RAI14: variants seen among roughly 807,000 people sequenced by gnomAD.
The protein encoded by RAI14 is ankycorbin.
In RAI14, 45 loss-of-function variants were observed where a neutral mutation model predicts 115.4. The observed-to-expected ratio is 0.39, with a 90% CI of 0.31 to 0.50. RAI14 has a LOEUF of 0.50. RAI14 is among the 20% of genes least tolerant of loss of function. RAI14 has a pLI of 0.85. For missense variants in RAI14, 939 were observed against 1,131.2 expected, an observed-to-expected ratio of 0.83 and a Z score of 2.44; for synonymous variants, 371 against 415.4, an observed-to-expected ratio of 0.89 and a Z score of 1.30.
chr5:34,720,936 C>T (rs73072585), intron 2 of RAI14, among the ~76,000 whole-genome samples: 2,748 of 152,100 alleles, frequency 0.018, 77 homozygotes, highest in African/African-American at 0.061. Flanking sequence ...AGTAATCCTC[C>T]GCGCTCAGCC....
At chr5:34,799,847 C>T (rs2150222704) in intron 4 of RAI14, among the ~76,000 whole-genome samples, 1 of 152,210 alleles carries the variant, frequency 6.6e-6, no homozygotes, top group South Asian at 2.1e-4. Flanking sequence ...GCCACCACGC[C>T]TGGCTAATTT....
At chr5:34,765,472 T>C (rs1200516600) in intron 3 of RAI14, among the ~76,000 whole-genome samples, 1 of 152,172 alleles carries the variant, frequency 6.6e-6, no homozygotes, top group African/African-American at 2.4e-5. Flanking sequence ...TGACTCTTGT[T>C]ATGTTTTAGC....
chr5:34,673,676 C>T (rs1197194577), intron 1 of RAI14, among the ~76,000 whole-genome samples: 3 of 152,116 alleles, frequency 2.0e-5, no homozygotes, highest in African/African-American at 7.2e-5. Flanking sequence ...CTTATGTGAC[C>T]CCACATCCTG....
intron 2 of RAI14, among the ~76,000 whole-genome samples, chr5:34,754,305 A>T (rs1260613768): frequency 6.6e-6 from 1 of 152,144 alleles, no homozygotes; most frequent in Non-Finnish European, 1.5e-5. Flanking sequence ...CTGCTATTTG[A>T]TCAGAATCCA....
chr5:34,829,822 C>A, intron 17 of RAI14, 25 bp downstream of exon 17: 1 of 1,557,352 alleles, frequency 6.4e-7, no homozygotes. Flanking sequence ...CTTGAAGTAT[C>A]TGGACATCCT....
At chr5:34,736,261 C>T (rs1744866712) in intron 2 of RAI14, among the ~76,000 whole-genome samples, 1 of 152,158 alleles carries the variant, frequency 6.6e-6, no homozygotes, top group Non-Finnish European at 1.5e-5. Context: ...ATTAGCTGGG[C>T]ATGGTGGCGT....
intron 3 of RAI14, among the ~76,000 whole-genome samples, chr5:34,759,082 G>A (rs532459721): frequency 3.9e-5 from 6 of 152,148 alleles, no homozygotes; most frequent in Non-Finnish European, 5.9e-5. Flanking sequence ...GGCCAAAATA[G>A]TGAAGCCCTG....
chr5:34,747,546 T>C (rs1222182150), intron 2 of RAI14, among the ~76,000 whole-genome samples: 4 of 152,206 alleles, frequency 2.6e-5, no homozygotes, highest in African/African-American at 9.6e-5. Context: ...TCTCTCACTC[T>C]CTAAATAATG....
rs755009145 is a variant in RAI14, at chr5:34,823,301, G to C, written c.1459G>C (p.Glu487Gln). ...CTCTGACCTCAGCCAGAAACTTAAA[G>C]AAACTCAGAGCAAATACGAGGAGGC... ...NSSDLSQKLK[E>Q]TQSKYEEAMK... The change falls in exon 15 of 18, where the codon GAA becomes CAA. Residue 487 changes from glutamate (E) to glutamine (Q), a missense_variant. Physicochemically the swap from Glu to Gln is conservative, Grantham distance 29. Transcript: ENST00000265109. This position sits in a 1 kb window ranked among gnomAD's most constrained non-coding sequence, Gnocchi z 4.5. 2 of 1,613,992 alleles carry C rather than the reference G, an allele frequency of 1.2e-6. No individual in the cohort carries two copies. Among genetic ancestry groups the C allele is most frequent in the Non-Finnish European group, 1.7e-6 (2 of 1,180,004 alleles).
intron 7 of RAI14, among the ~76,000 whole-genome samples, chr5:34,809,378 G>A (rs879728203): frequency 6.6e-6 from 1 of 152,092 alleles, no homozygotes; most frequent in Non-Finnish European, 1.5e-5. Flanking sequence ...CCTAGAAAAC[G>A]TAGCATTCCT....
At chr5:34,665,502 T>C (rs1743137833) in intron 1 of RAI14, among the ~76,000 whole-genome samples, 1 of 150,850 alleles carries the variant, frequency 6.6e-6, no homozygotes, top group South Asian at 2.1e-4. Flanking sequence ...TCTTTTTTTT[T>C]TTTTTTCTCT....
At chr5:34,676,796 T>C (rs928893283) in intron 1 of RAI14, among the ~76,000 whole-genome samples, 1 of 152,206 alleles carries the variant, frequency 6.6e-6, no homozygotes, top group Non-Finnish European at 1.5e-5. Flanking sequence ...TTTTACTACG[T>C]GATCATTATG....
At chr5:34,716,197 G>T in intron 2 of RAI14, 1 of 356,900 alleles carries the variant, frequency 2.8e-6, no homozygotes, top group Non-Finnish European at 5.4e-6. Flanking sequence ...AGTATAGGTG[G>T]ATTTACATGC....
intron 4 of RAI14, among the ~76,000 whole-genome samples, chr5:34,802,309 G>T (rs1211535088): frequency 6.6e-6 from 1 of 152,180 alleles, no homozygotes; most frequent in East Asian, 1.9e-4. Context: ...GAACACGCCC[G>T]ATCTCGTCTG....
chr5:34,710,185 G>A (rs374448799), intron 2 of RAI14, among the ~76,000 whole-genome samples: 2 of 152,198 alleles, frequency 1.3e-5, no homozygotes, highest in African/African-American at 2.4e-5. Context: ...GTCTGGAGGC[G>A]AGAAGTCTGT....
rs181090683 is a variant in RAI14, at chr5:34,660,033, C to T, written c.-49+3558C>T. On this transcript the variant is annotated intron_variant, in intron 1 of 17. Coordinates refer to ENST00000265109, the MANE Select transcript of RAI14 (RefSeq NM_015577.3). ...TCTCTACAAAAAATACAAAAATTAG[C>T]TGGGTGTGGTGGTGTGCCTGTGGTC... Among the ~76,000 whole-genome samples the T allele has an allele frequency of 1.1e-3, 173 of 152,048 alleles. 1 individual carries two copies. Among genetic ancestry groups the T allele is most frequent in the African/African-American group, 4.1e-3 (169 of 41,460 alleles).
At chr5:34,658,568 G>A (rs1201831151) in intron 1 of RAI14, among the ~76,000 whole-genome samples, 5 of 151,906 alleles carry the variant, frequency 3.3e-5, no homozygotes, top group South Asian at 4.2e-4. Flanking sequence ...CGAGGCAGGC[G>A]GATCATGAGG....
intron 2 of RAI14, among the ~76,000 whole-genome samples, chr5:34,713,074 C>A (rs1460887770): frequency 2.0e-5 from 3 of 152,012 alleles, no homozygotes; most frequent in Non-Finnish European, 4.4e-5. Context: ...GGGCGCAAAA[C>A]ATTTACATGT....
intron 12 of RAI14, among the ~76,000 whole-genome samples, chr5:34,816,025 C>T (rs1353061449): frequency 6.6e-6 from 1 of 151,982 alleles, no homozygotes; most frequent in African/African-American, 2.4e-5. Context: ...TGAGGAAATG[C>T]CAAAAATTAT....
Sources: gnomAD v4.1 joint callset for allele counts (sites outside exome capture counted in the v4.1 genomes callset) on GRCh38, gnomAD v4.1.1 for gene constraint, Gnocchi (gnomAD v3.1) non-coding constraint, MANE v1.5 for transcripts, NCBI Gene and HGNC (gene_info 2026-07-23, HGNC 2026-07-21) for gene names.